The following FOXN3 variants were observed in gnomAD, a reference collection of about 807,000 sequenced individuals.
The protein encoded by FOXN3 is forkhead box protein N3.
FOXN3 carries 7 observed loss-of-function variants against 38.4 expected under a neutral mutation model. The ratio of observed to expected loss-of-function variants is 0.18; its 90% CI spans 0.10 to 0.34. FOXN3 has a LOEUF of 0.34. FOXN3 is among the 10% of genes least tolerant of loss of function. The pLI, the probability that FOXN3 is intolerant of heterozygous loss-of-function variation, is 1.00. For synonymous variants in FOXN3, 230 were observed against 242.2 expected (o/e 0.95, Z 0.47); for missense variants, 456 against 613.4 (o/e 0.74, Z 2.71).
chr14:89,455,436 AGG>A (rs1209615731), intron 1 of FOXN3, among the ~76,000 whole-genome samples: 1 of 152,236 alleles, frequency 6.6e-6, no homozygotes, highest in Non-Finnish European at 1.5e-5. Flanking sequence ...AGGGAAAGGA[AGG>A]GGCAGATGTT....
At chr14:89,464,890 G>GA (rs1892941662) in intron 1 of FOXN3, among the ~76,000 whole-genome samples, 2 of 152,036 alleles carry the variant, frequency 1.3e-5, no homozygotes, top group African/African-American at 4.8e-5. Flanking sequence ...TAGAGATTGA[G>GA]TTTCACCATG....
chr14:89,190,799 G>A (rs1037717412), intron 4 of FOXN3, among the ~76,000 whole-genome samples: 1 of 152,162 alleles, frequency 6.6e-6, no homozygotes, highest in Admixed American at 6.5e-5. Context: ...AGTGACAATA[G>A]GAAGTTCAGC....
chr14:89,564,095 TCCA>T (rs1895301154), intron 1 of FOXN3, among the ~76,000 whole-genome samples: 1 of 152,026 alleles, frequency 6.6e-6, no homozygotes, highest in Admixed American at 6.6e-5. Flanking sequence ...CCTCAAGTAA[TCCA>T]CCCGCCTCGG....
chr14:89,543,730 TC>T (rs1346529141), intron 1 of FOXN3, among the ~76,000 whole-genome samples: 1 of 152,142 alleles, frequency 6.6e-6, no homozygotes, highest in Non-Finnish European at 1.5e-5. Flanking sequence ...GTACTGTAAC[TC>T]ACTTCCAAAT....
chr14:89,197,764 C>T (rs1888135452), intron 4 of FOXN3, among the ~76,000 whole-genome samples: 1 of 152,200 alleles, frequency 6.6e-6, no homozygotes, highest in Admixed American at 6.5e-5. Context: ...AACCAAACAT[C>T]AGGCTCCACC....
At chr14:89,419,258 C>G (rs1230460969), upstream of FOXN3, 1 of 453,550 alleles carries the variant, frequency 2.2e-6, no homozygotes, top group African/African-American at 2.0e-5. Flanking sequence ...GCCTGTCGGT[C>G]TATCTGAAAT....
chr14:89,399,267 G>A (rs952391800), intron 2 of FOXN3, among the ~76,000 whole-genome samples: 1 of 152,142 alleles, frequency 6.6e-6, no homozygotes, highest in Non-Finnish European at 1.5e-5. Context: ...CACATCACAG[G>A]GACTGGCACC....
intron 2 of FOXN3, among the ~76,000 whole-genome samples, chr14:89,371,327 A>C (rs1281668662): frequency 1.3e-5 from 2 of 152,156 alleles, no homozygotes; most frequent in Non-Finnish European, 2.9e-5. Context: ...AAGTGCTTGA[A>C]AATAAAGACT....
chr14:89,522,002 A>G (rs1894328229), intron 1 of FOXN3, among the ~76,000 whole-genome samples: 1 of 150,886 alleles, frequency 6.6e-6, no homozygotes, highest in African/African-American at 2.4e-5. Flanking sequence ...CCTGGATGAC[A>G]GAATGAGACC....
Position 89,383,029 on chromosome 14 carries a change from G to GTTTTT in FOXN3, c.543+28900_543+28904dup, listed in dbSNP as rs57032907. Among the ~76,000 whole-genome samples the GTTTTT allele has an allele frequency of 4.2e-3, 393 of 92,522 alleles. 1 individual carries two copies. The highest frequency in any genetic ancestry group is 0.015 in the African/African-American group (367 of 24,332). The allele number at this position is 92,522 out of a possible 152,430, so 60.7% of individuals were successfully genotyped here. A position where few individuals can be genotyped will look rare whatever the true frequency, so the allele number is the denominator to read the frequency against. On this transcript the variant is annotated intron_variant, in intron 2 of 5. Transcript: ENST00000557258. ...TGTTTGGAGCACAGTTTTGGGTGGT[G>GTTTTT]TTTTTTTTTTTTTTTTTTTTTTTTT...
intron 5 of FOXN3, among the ~76,000 whole-genome samples, chr14:89,178,340 G>C (rs182484897): frequency 1.9e-4 from 29 of 152,164 alleles, no homozygotes; most frequent in Admixed American, 1.8e-3. Flanking sequence ...TGTAGAGCTG[G>C]GATCTCCCTA....
intron 1 of FOXN3, among the ~76,000 whole-genome samples, chr14:89,462,101 G>A (rs907461175): frequency 1.4e-4 from 22 of 152,230 alleles, no homozygotes; most frequent in Non-Finnish European, 2.9e-4. Flanking sequence ...ATTTAACATT[G>A]ATTAGAAAGT....
intron 4 of FOXN3, among the ~76,000 whole-genome samples, chr14:89,212,481 C>T (rs1020995578): frequency 3.3e-5 from 5 of 152,166 alleles, no homozygotes; most frequent in African/African-American, 1.2e-4. Context: ...CCTGCCGTGA[C>T]CTCCCAGTGC....
Position 89,162,656 on chromosome 14 carries a change from C to T in FOXN3, c.1165G>A (p.Asp389Asn), listed in dbSNP as rs199849564. 1.9e-5 allele frequency: 31 copies of T among 1,613,950 alleles called. No individual in the cohort carries two copies. In the South Asian group the frequency reaches 2.4e-4, roughly 13 times the overall value. The change falls in exon 6 of 6, where the codon GAC becomes AAC. Residue 389 changes from aspartate (D) to asparagine (N), a missense_variant. This residue lies in a region of FOXN3 where 386 missense variants were observed against 505.2 expected (regional missense o/e 0.76). Coordinates refer to ENST00000557258, the MANE Select transcript of FOXN3 (RefSeq NM_005197.4). The surrounding 1 kb of genome is among the most constrained non-coding windows in gnomAD (Gnocchi z 7.2). ...TTGTGCTGGGATGCGTACCCGCTGTCCCCCAGAGAATCCTTGGGCTCCTTC... is the reference window on the plus strand; with the variant it reads ...TTGTGCTGGGATGCGTACCCGCTGTTCCCCAGAGAATCCTTGGGCTCCTTC... Reference protein sequence around the residue: ...SQKEPKDSLGDSGYASQHKKR... With the variant: ...SQKEPKDSLGNSGYASQHKKR...
intron 1 of FOXN3, among the ~76,000 whole-genome samples, chr14:89,537,770 C>A (rs1009688861): frequency 2.0e-5 from 3 of 152,136 alleles, no homozygotes; most frequent in Non-Finnish European, 4.4e-5. Flanking sequence ...AACAAACAAA[C>A]AACAAAACTG....
At chr14:89,471,094 G>A (rs538850806) in intron 1 of FOXN3, among the ~76,000 whole-genome samples, 8 of 152,296 alleles carry the variant, frequency 5.3e-5, no homozygotes, top group Admixed American at 6.5e-5. Flanking sequence ...TGGCCCTCTA[G>A]TTGGCCAGGA....
intron 4 of FOXN3, among the ~76,000 whole-genome samples, chr14:89,203,972 G>A (rs1313428689): frequency 6.6e-6 from 1 of 151,208 alleles, no homozygotes; most frequent in Non-Finnish European, 1.5e-5. Context: ...TACTACTAAA[G>A]CTTGGTTTAT....
chr14:89,193,948 C>T (rs1888030936), intron 4 of FOXN3, among the ~76,000 whole-genome samples: 1 of 152,094 alleles, frequency 6.6e-6, no homozygotes, highest in African/African-American at 2.4e-5. Flanking sequence ...GACAAATAAC[C>T]TTGAGCATCT....
intron 2 of FOXN3, among the ~76,000 whole-genome samples, chr14:89,386,787 G>T (rs1235937978): frequency 6.6e-6 from 1 of 152,140 alleles, no homozygotes; most frequent in African/African-American, 2.4e-5. Context: ...CTCTCTTCGT[G>T]AGAAGACGGC....
Sources: allele counts gnomAD v4.1 joint callset (sites outside exome capture counted in the v4.1 genomes callset), GRCh38; gene constraint gnomAD v4.1.1; regional missense constraint gnomAD v4.1.1; non-coding constraint Gnocchi (gnomAD v3.1); transcripts MANE v1.5; gene names NCBI Gene and HGNC (gene_info 2026-07-23, HGNC 2026-07-21).